Variants in TRHDE observed in about 807,000 individuals in gnomAD.
TRHDE encodes thyrotropin releasing hormone degrading enzyme.
A neutral mutation model predicts 125.7 loss-of-function variants in TRHDE; 72 were observed. The ratio of observed to expected loss-of-function variants is 0.57; its 90% CI spans 0.47 to 0.70. The LOEUF (loss-of-function observed/expected upper bound fraction) is 0.70, where lower values mean the gene tolerates loss of function less well. Ranked by LOEUF, TRHDE falls within the 30% of genes least tolerant of loss-of-function variation. The pLI is 0.00. For missense variants in TRHDE, 1,110 were observed against 1,327.1 expected (o/e 0.84, Z 2.54); for synonymous variants, 509 against 509.1 (o/e 1.00, Z 0.00).
intron 6 of TRHDE, among the ~76,000 whole-genome samples, chr12:72,533,830 G>A (rs1868706682): frequency 1.3e-5 from 2 of 149,738 alleles, no homozygotes; most frequent in Admixed American, 6.7e-5. Context: ...TCATGCAAAT[G>A]CTATTTCCTA....
chr12:72,220,534 C>T (rs1029623747), intron 2 of TRHDE, among the ~76,000 whole-genome samples: 3 of 151,894 alleles, frequency 2.0e-5, no homozygotes, highest in Non-Finnish European at 4.4e-5. Context: ...TGTCCAAAAC[C>T]CAAGGAACTC....
chr12:72,216,594 C>T (rs1228352297), intron 2 of TRHDE, among the ~76,000 whole-genome samples: 1 of 152,024 alleles, frequency 6.6e-6, no homozygotes, highest in Admixed American at 6.6e-5. Flanking sequence ...AAAATATGCA[C>T]CTTAAAGAGA....
At chr12:72,410,360 A>G (rs1337709881) in intron 3 of TRHDE, among the ~76,000 whole-genome samples, 4 of 152,130 alleles carry the variant, frequency 2.6e-5, no homozygotes, top group African/African-American at 9.6e-5. Context: ...CTTCTTAAAT[A>G]TCAGTAGAAA....
rs200360805 is a variant in TRHDE, at chr12:72,219,161, A to ATT, written n.279+113420_279+113421dup. The stretch of plus-strand genomic sequence containing the variant: ...GCAATTATTTTAAAATGTTTTGTGT[A>ATT]TTTTTTTTTTTTCTTGGCACATTTT... On this transcript the variant is annotated intron_variant and non_coding_transcript_variant, in intron 2 of 4. Transcript: ENST00000548156. Among the ~76,000 whole-genome samples the ATT allele has an allele frequency of 2.7e-3, 396 of 146,188 alleles. 1 individual carries two copies. The highest frequency in any genetic ancestry group is 7.1e-3 in the African/African-American group (286 of 40,226).
chr12:72,533,401 C>T (rs1868665405), intron 6 of TRHDE, among the ~76,000 whole-genome samples: 1 of 152,064 alleles, frequency 6.6e-6, no homozygotes, highest in African/African-American at 2.4e-5. Context: ...TCTCGATTTC[C>T]TGACCTTGTG....
At chr12:72,448,074 G>C (rs1169327897) in intron 3 of TRHDE, among the ~76,000 whole-genome samples, 2 of 152,074 alleles carry the variant, frequency 1.3e-5, no homozygotes, top group African/African-American at 4.8e-5. Context: ...CTTTACAAGT[G>C]TATTTGTTGT....
intron 6 of TRHDE, among the ~76,000 whole-genome samples, chr12:72,541,463 T>C (rs1020613266): frequency 4.6e-5 from 7 of 151,590 alleles, no homozygotes; most frequent in Non-Finnish European, 8.9e-5. Context: ...TTCAAATTAG[T>C]ATTTTCTTCT....
chr12:72,339,070 C>T (rs1869961159), intron 2 of TRHDE, among the ~76,000 whole-genome samples: 1 of 152,086 alleles, frequency 6.6e-6, no homozygotes, highest in South Asian at 2.1e-4. Flanking sequence ...TGTTGTATGA[C>T]AGATAATTGC....
chr12:72,280,338 T>G (rs948983913), intron 1 of TRHDE, among the ~76,000 whole-genome samples: 1 of 152,178 alleles, frequency 6.6e-6, no homozygotes, highest in Non-Finnish European at 1.5e-5. Flanking sequence ...AAATATAATT[T>G]TATTATTCCA....
chr12:72,093,757 T>A (rs1370031940), intron 1 of TRHDE, among the ~76,000 whole-genome samples: 2 of 152,376 alleles, frequency 1.3e-5, no homozygotes, highest in Admixed American at 1.3e-4. Context: ...TCTATCTGTC[T>A]TCTCTTGCGT....
chr12:72,173,789 A>G (rs570873005), intron 2 of TRHDE, among the ~76,000 whole-genome samples: 488 of 151,728 alleles, frequency 3.2e-3, no homozygotes, highest in African/African-American at 0.011. Flanking sequence ...CTGCGCGCGC[A>G]CACACACACA....
chr12:72,092,816 A>G lies in TRHDE; in HGVS notation n.174+5377A>G, dbSNP rs146282127. Among the ~76,000 whole-genome samples the G allele has an allele frequency of 7.6e-4, 115 of 152,314 alleles. 1 individual carries two copies. Among genetic ancestry groups the G allele is most frequent in the African/African-American group, 2.6e-3 (109 of 41,576 alleles). On this transcript the variant is annotated intron_variant and non_coding_transcript_variant, in intron 1 of 4. Transcript: ENST00000548156. ...GGAAGAAAGGTACTAAAAATACTCTACAGTTAATGATTCTTTTAAAGTCAC... is the reference window on the plus strand; with the variant it reads ...GGAAGAAAGGTACTAAAAATACTCTGCAGTTAATGATTCTTTTAAAGTCAC...
intron 3 of TRHDE, among the ~76,000 whole-genome samples, chr12:72,381,465 G>A (rs1178164508): frequency 2.7e-5 from 4 of 148,452 alleles, no homozygotes; most frequent in Middle Eastern, 3.5e-3. Flanking sequence ...GCGGGATCTC[G>A]GCTCACTGCA....
chr12:72,517,453 T>A (rs1192273610), intron 6 of TRHDE, among the ~76,000 whole-genome samples: 2 of 152,022 alleles, frequency 1.3e-5, no homozygotes, highest in Non-Finnish European at 2.9e-5. Flanking sequence ...TAGTATTCTC[T>A]GATGGTAGTT....
intron 12 of TRHDE, among the ~76,000 whole-genome samples, chr12:72,606,294 A>AC (rs1872440592): frequency 6.6e-6 from 1 of 152,224 alleles, no homozygotes; most frequent in African/African-American, 2.4e-5. Context: ...TGGCAATTAC[A>AC]CTACCATTTG....
At chr12:72,500,452 C>T (rs761983712) in intron 6 of TRHDE, among the ~76,000 whole-genome samples, 7 of 151,952 alleles carry the variant, frequency 4.6e-5, no homozygotes, top group African/African-American at 1.5e-4. Context: ...AGTGCAGTGA[C>T]GCCATCTTGG....
At chr12:72,527,831 G>A (rs1025331605) in intron 6 of TRHDE, among the ~76,000 whole-genome samples, 19 of 152,106 alleles carry the variant, frequency 1.2e-4, no homozygotes, top group African/African-American at 4.3e-4. Context: ...ATTTCATCAT[G>A]TAACTAAATG....
At chr12:72,653,177 T>C in intron 17 of TRHDE, 21 bp downstream of exon 17, 2 of 1,595,898 alleles carry the variant, frequency 1.3e-6, no homozygotes, top group Non-Finnish European at 1.7e-6. Context: ...GAATTCTTAC[T>C]TGAATGAGTA....
At chr12:72,171,882 G>A (rs1436384551) in intron 2 of TRHDE, among the ~76,000 whole-genome samples, 2 of 152,296 alleles carry the variant, frequency 1.3e-5, no homozygotes, top group South Asian at 4.1e-4. Context: ...GAATTTGTGA[G>A]ACTTTAAGTT....
Sources: gnomAD v4.1 joint callset for allele counts (sites outside exome capture counted in the v4.1 genomes callset) on GRCh38, gnomAD v4.1.1 for gene constraint, MANE v1.5 for transcripts, NCBI Gene and HGNC (gene_info 2026-07-23, HGNC 2026-07-21) for gene names.